Variants in LMNTD1 observed in about 807,000 individuals in gnomAD.
The protein encoded by LMNTD1 is lamin tail domain-containing protein 1.
In LMNTD1, 35 loss-of-function variants were observed where a neutral mutation model predicts 50.9. The ratio of observed to expected loss-of-function variants is 0.69; its 90% CI spans 0.53 to 0.91. LMNTD1 has a LOEUF of 0.91. LMNTD1 is among the 40% of genes least tolerant of loss of function. LMNTD1 has a pLI of 0.00. For synonymous variants in LMNTD1, 153 were observed against 161.9 expected, an observed-to-expected ratio of 0.94 and a Z score of 0.42; for missense variants, 470 against 475.5, an observed-to-expected ratio of 0.99 and a Z score of 0.11.
chr12:25,521,732 A>C (rs1298459743), intron 6 of LMNTD1, among the ~76,000 whole-genome samples: 1 of 151,770 alleles, frequency 6.6e-6, no homozygotes, highest in Non-Finnish European at 1.5e-5. Flanking sequence ...CATTTAAGAC[A>C]CTGTGTGTGT....
At chr12:25,594,564 C>A (rs1945791242) in intron 1 of LMNTD1, among the ~76,000 whole-genome samples, 1 of 145,176 alleles carries the variant, frequency 6.9e-6, no homozygotes, top group Admixed American at 7.3e-5. Flanking sequence ...TTAAAAAAAT[C>A]TCTAAATCTT....
intron 1 of LMNTD1, among the ~76,000 whole-genome samples, chr12:25,628,937 A>G (rs886414419): frequency 6.6e-6 from 1 of 152,206 alleles, no homozygotes; most frequent in African/African-American, 2.4e-5. Context: ...AGGCTAATTC[A>G]TCATGTTAAG....
chr12:25,525,828 C>T (rs1167866511), intron 6 of LMNTD1, among the ~76,000 whole-genome samples: 1 of 152,000 alleles, frequency 6.6e-6, no homozygotes. Flanking sequence ...GGAATACCAC[C>T]ACTTAAGAAC....
chr12:25,612,328 A>ACACACACACACACG (rs34069424), intron 1 of LMNTD1, among the ~76,000 whole-genome samples: 8 of 146,418 alleles, frequency 5.5e-5, no homozygotes, highest in African/African-American at 2.0e-4. Flanking sequence ...ACACACACAC[A>ACACACACACACACG]CGCGCTCCCA....
intron 1 of LMNTD1, among the ~76,000 whole-genome samples, chr12:25,562,389 T>G (rs1231628531): frequency 6.6e-5 from 10 of 152,206 alleles, no homozygotes; most frequent in Non-Finnish European, 1.0e-4. Context: ...TCTCCTTCAC[T>G]TATGAAGCTT....
At chr12:25,528,826 A>G (rs1942006433) in intron 4 of LMNTD1, among the ~76,000 whole-genome samples, 1 of 151,738 alleles carries the variant, frequency 6.6e-6, no homozygotes, top group Admixed American at 6.6e-5. Flanking sequence ...TTTAACACCA[A>G]CTTCTCCCTC....
chr12:25,622,918 T>C (rs1946507404), intron 1 of LMNTD1, among the ~76,000 whole-genome samples: 1 of 151,900 alleles, frequency 6.6e-6, no homozygotes, highest in Non-Finnish European at 1.5e-5. Flanking sequence ...ACATACCATC[T>C]TAATGAACCT....
chr12:25,639,814 A>G (rs768068110), intron 1 of LMNTD1, among the ~76,000 whole-genome samples: 3 of 152,228 alleles, frequency 2.0e-5, no homozygotes, highest in Non-Finnish European at 2.9e-5. Flanking sequence ...TACACAATAA[A>G]TATAAAAACA....
chr12:25,559,989 A>G lies in LMNTD1; in HGVS notation c.59-13435T>C, dbSNP rs568560074. On this transcript the variant is annotated intron_variant, in intron 1 of 7. Coordinates refer to the LMNTD1 transcript ENST00000445693. ...TATAAAAATTTTCTCCCATTCTGTA[A>G]GTTGCCTGTTCACTCTGATGGTAGT... Among the ~76,000 whole-genome samples the G allele has an allele frequency of 1.0e-3, 152 of 152,174 alleles. 1 individual carries two copies. The highest frequency in any genetic ancestry group is 1.8e-3 in the Non-Finnish European group (120 of 68,012).
At chr12:25,548,443 T>C (rs1943562248) in intron 3 of LMNTD1, among the ~76,000 whole-genome samples, 2 of 151,876 alleles carry the variant, frequency 1.3e-5, no homozygotes, top group African/African-American at 4.8e-5. Flanking sequence ...TCTCATCTAT[T>C]TTAAAAGAAG....
Position 25,476,314 on chromosome 12 carries a change from C to T in LMNTD1, c.*169G>A, listed in dbSNP as rs1029315514. The T allele has an allele frequency of 7.2e-5, 11 of 152,150 alleles. No homozygotes were observed. The highest frequency in any genetic ancestry group is 2.2e-4 in the African/African-American group (9 of 41,432). The allele number at this position is 152,150 out of a possible 1,614,324, so 9.4% of individuals were successfully genotyped here. ...AAGCATCTATAATTCACCAATTCTA[C>T]AGCAATACAAATTTTGGATCCTTTT... On this transcript the variant is annotated 3_prime_UTR_variant, in exon 10 of 10. Coordinates refer to ENST00000458174, the MANE Select transcript of LMNTD1 (RefSeq NM_001145728.2).
chr12:25,577,083 T>G (rs1037094105), intron 1 of LMNTD1, among the ~76,000 whole-genome samples: 1 of 152,212 alleles, frequency 6.6e-6, no homozygotes, highest in Non-Finnish European at 1.5e-5. Flanking sequence ...CATGCTGTTT[T>G]GGTTACTGTA....
intron 6 of LMNTD1, 72 bp from the exon 7 acceptor site, chr12:25,520,147 T>C: frequency 7.0e-6 from 1 of 143,218 alleles, no homozygotes; most frequent in African/African-American, 4.2e-5. Context: ...GAGATATACA[T>C]ATATATATAT....
intron 9 of LMNTD1, among the ~76,000 whole-genome samples, chr12:25,484,266 T>G (rs1339648068): frequency 1.3e-5 from 2 of 151,414 alleles, no homozygotes; most frequent in African/African-American, 4.9e-5. Flanking sequence ...TTGTTTTTCG[T>G]TTTTTTGTTG....
chr12:25,563,706 C>T (rs111369487), intron 1 of LMNTD1, among the ~76,000 whole-genome samples: 287 of 152,338 alleles, frequency 1.9e-3, no homozygotes, highest in African/African-American at 6.6e-3. Context: ...GCAGAAGTTT[C>T]TGCTGCCTTT....
chr12:25,487,769 G>A (rs1938708596), intron 9 of LMNTD1, among the ~76,000 whole-genome samples: 1 of 102,848 alleles, frequency 9.7e-6, no homozygotes, highest in Admixed American at 1.2e-4. Context: ...GCAGCGGCTG[G>A]TACCGGTTGT....
In LMNTD1 at chr12:25,553,075, A is replaced by T. The variant is rs1313277413; in HGVS notation, c.-37T>A. ...CTTTTCAAAGTGACCTCACCTGTTA[A>T]TCCAACTACCTTCAAGCATCAGCTA... On this transcript the variant is annotated 5_prime_UTR_variant, in exon 1 of 10. Coordinates refer to ENST00000458174, the MANE Select transcript of LMNTD1 (RefSeq NM_001145728.2). The T allele has an allele frequency of 6.2e-7, 1 of 1,613,616 alleles. No individual in the cohort carries two copies. Among genetic ancestry groups the T allele is most frequent in the Non-Finnish European group, 8.5e-7 (1 of 1,179,602 alleles).
intron 9 of LMNTD1, among the ~76,000 whole-genome samples, chr12:25,493,717 A>T (rs943602947): frequency 6.6e-6 from 1 of 152,240 alleles, no homozygotes; most frequent in Admixed American, 6.5e-5. Context: ...TTTACAAATA[A>T]TAATGGGTTT....
chr12:25,581,982 C>G (rs891039448), intron 1 of LMNTD1, among the ~76,000 whole-genome samples: 1 of 152,212 alleles, frequency 6.6e-6, no homozygotes, highest in Non-Finnish European at 1.5e-5. Flanking sequence ...GCTGTATTTA[C>G]TTTTATTTAC....
Sources: allele counts gnomAD v4.1 joint callset (sites outside exome capture counted in the v4.1 genomes callset), GRCh38; gene constraint gnomAD v4.1.1; transcripts MANE v1.5; gene names NCBI Gene and HGNC (gene_info 2026-07-23, HGNC 2026-07-21).